Variants in MAP3K5 observed in about 807,000 individuals in gnomAD.
MAP3K5 encodes the protein ASK-1.
Under a neutral mutation model 158.7 loss-of-function variants are expected in MAP3K5, and 56 were observed. The observed-to-expected ratio is 0.35, with a 90% CI of 0.28 to 0.44. The LOEUF (loss-of-function observed/expected upper bound fraction) is 0.44, where lower values mean the gene tolerates loss of function less well. MAP3K5 is among the 20% of genes least tolerant of loss of function. The pLI is 1.00. For synonymous variants in MAP3K5, 579 were observed against 601.7 expected, an observed-to-expected ratio of 0.96 and a Z score of 0.55; for missense variants, 1,294 against 1,674.8, an observed-to-expected ratio of 0.77 and a Z score of 3.97.
At chr6:136,577,313 C>T (rs1360153853) in intron 25 of MAP3K5, among the ~76,000 whole-genome samples, 1 of 152,164 alleles carries the variant, frequency 6.6e-6, no homozygotes, top group Non-Finnish European at 1.5e-5. Flanking sequence ...ATTTTGTCCA[C>T]ATAATTCATC....
At chr6:136,745,757 C>A (rs1782927680) in intron 1 of MAP3K5, among the ~76,000 whole-genome samples, 1 of 152,160 alleles carries the variant, frequency 6.6e-6, no homozygotes, top group Non-Finnish European at 1.5e-5. Context: ...TGAAAAAGAG[C>A]TCACATCTGT....
At chr6:136,717,934 G>A (rs1695371896) in intron 2 of MAP3K5, among the ~76,000 whole-genome samples, 1 of 152,202 alleles carries the variant, frequency 6.6e-6, no homozygotes, top group African/African-American at 2.4e-5. Flanking sequence ...ATGTTACCTA[G>A]GAAAACTCAG....
chr6:136,672,138 T>C (rs1435932842), intron 7 of MAP3K5, among the ~76,000 whole-genome samples: 2 of 152,222 alleles, frequency 1.3e-5, no homozygotes. Flanking sequence ...TAGCCATTTG[T>C]ATTGTGGACA....
At chr6:136,786,800 C>CTTTTT (rs11296757) in intron 1 of MAP3K5, among the ~76,000 whole-genome samples, 4 of 101,180 alleles carry the variant, frequency 4.0e-5, no homozygotes, top group African/African-American at 8.1e-5. Flanking sequence ...TTAAGTTCTT[C>CTTTTT]TTTTTTTTTT....
intron 7 of MAP3K5, among the ~76,000 whole-genome samples, chr6:136,680,890 A>C (rs11154878): frequency 0.17 from 26,364 of 152,068 alleles, 3,562 homozygotes; most frequent in African/African-American, 0.37. Context: ...GCAGGGGAGG[A>C]AGGGGCGGGG....
At chr6:136,576,094 G>A (rs541435871) in intron 25 of MAP3K5, among the ~76,000 whole-genome samples, 16 of 151,868 alleles carry the variant, frequency 1.1e-4, no homozygotes, top group East Asian at 9.7e-4. Flanking sequence ...GATCTTTCTC[G>A]TCCATATATT....
At chr6:136,595,734 C>T (rs570142543) in intron 21 of MAP3K5, among the ~76,000 whole-genome samples, 5 of 152,032 alleles carry the variant, frequency 3.3e-5, no homozygotes, top group South Asian at 2.1e-4. Context: ...GGCAATTGGG[C>T]GGCTGGGCGC....
chr6:136,621,828 T>C (rs1776816701), intron 15 of MAP3K5, among the ~76,000 whole-genome samples: 1 of 152,246 alleles, frequency 6.6e-6, no homozygotes, highest in Non-Finnish European at 1.5e-5. Flanking sequence ...GGCTCACGCC[T>C]GTAATCCCAG....
intron 18 of MAP3K5, among the ~76,000 whole-genome samples, chr6:136,610,821 A>C (rs192971017): frequency 2.0e-5 from 3 of 152,204 alleles, no homozygotes; most frequent in African/African-American, 7.2e-5. Context: ...AAAAGATACC[A>C]ACATTGGCCA....
At chr6:136,730,723 A>G (rs1782189027) in intron 1 of MAP3K5, among the ~76,000 whole-genome samples, 1 of 67,410 alleles carries the variant, frequency 1.5e-5, no homozygotes, top group Admixed American at 1.5e-4. Context: ...CTCTGCCTCA[A>G]AAAAAAAAAA....
chr6:136,765,407 C>G (rs1457987538), intron 1 of MAP3K5, among the ~76,000 whole-genome samples: 2 of 152,196 alleles, frequency 1.3e-5, no homozygotes, highest in African/African-American at 2.4e-5. Flanking sequence ...GGACATCCTC[C>G]CACCTCCACC....
At chr6:136,676,337 T>C (rs1386393038) in intron 7 of MAP3K5, among the ~76,000 whole-genome samples, 1 of 152,168 alleles carries the variant, frequency 6.6e-6, no homozygotes, top group Non-Finnish European at 1.5e-5. Context: ...ATACAAATAA[T>C]CTTTTAACTT....
At position 136,659,360 on chromosome 6, in the gene MAP3K5, A is replaced by C; in HGVS notation, c.1385T>G (p.Leu462Arg). The change falls in exon 9 of 30, where the codon CTT becomes CGT. Residue 462 changes from leucine (L) to arginine (R), a missense_variant. Leu to Arg is a moderately radical substitution (Grantham distance 102). Transcript: ENST00000359015. ...LRKVGVKLSS[L>R]LGKKGNLEKL... The stretch of plus-strand genomic sequence containing the variant: ...TTCCAAGTTTCCCTTTTTACCAAGA[A>C]GACTACTTAGCTTCACCCCTAGAAT... 1 of 1,614,056 alleles carries C rather than the reference A, an allele frequency of 6.2e-7. No individual in the cohort carries two copies. Among genetic ancestry groups the C allele is most frequent in the South Asian group, 1.1e-5 (1 of 91,080 alleles).
At chr6:136,661,876 C>G (rs1045391146) in intron 8 of MAP3K5, among the ~76,000 whole-genome samples, 2 of 152,192 alleles carry the variant, frequency 1.3e-5, no homozygotes, top group Non-Finnish European at 2.9e-5. Flanking sequence ...CAGATGCACT[C>G]TTGAACCTCA....
chr6:136,737,529 G>A (rs558659327), intron 1 of MAP3K5, among the ~76,000 whole-genome samples: 38 of 152,262 alleles, frequency 2.5e-4, no homozygotes, highest in East Asian at 1.2e-3. Context: ...GGCAGCCCCC[G>A]CCATGTATCA....
At chr6:136,583,424 C>A in intron 24 of MAP3K5, 131 bp downstream of exon 24, 1 of 824,688 alleles carries the variant, frequency 1.2e-6, no homozygotes, top group Non-Finnish European at 1.8e-6. Context: ...AGGCGAATAT[C>A]TCACATTTTT....
At chr6:136,737,832 T>C (rs2114860571) in intron 1 of MAP3K5, among the ~76,000 whole-genome samples, 1 of 152,260 alleles carries the variant, frequency 6.6e-6, no homozygotes, top group African/African-American at 2.4e-5. Flanking sequence ...ATGTAAATGT[T>C]CTTTGGGAGC....
chr6:136,791,395 G>A (rs1785067171), intron 1 of MAP3K5, among the ~76,000 whole-genome samples: 2 of 152,084 alleles, frequency 1.3e-5, no homozygotes, highest in South Asian at 4.2e-4. Context: ...ACACTGAAAG[G>A]AGAAAGACTG....
At chr6:136,627,037 G>A (rs764394128) in intron 14 of MAP3K5, among the ~76,000 whole-genome samples, 1 of 152,138 alleles carries the variant, frequency 6.6e-6, no homozygotes, top group South Asian at 2.1e-4. Flanking sequence ...GTGTTATAAA[G>A]ATATTACAGT....
Sources: allele counts gnomAD v4.1 joint callset (sites outside exome capture counted in the v4.1 genomes callset), GRCh38; gene constraint gnomAD v4.1.1; transcripts MANE v1.5; gene names NCBI Gene and HGNC (gene_info 2026-07-23, HGNC 2026-07-21).